Variants in CNGB3 observed in about 807,000 individuals in gnomAD.
CNGB3 encodes the protein cyclic nucleotide-gated channel beta-3.
Under a neutral mutation model 92.8 loss-of-function variants are expected in CNGB3, and 86 were observed. The ratio of observed to expected loss-of-function variants is 0.93; its 90% CI spans 0.78 to 1.11. The LOEUF (loss-of-function observed/expected upper bound fraction) is 1.11. CNGB3 is among the 50% of genes least tolerant of loss of function. CNGB3 has a pLI of 0.00. For missense variants in CNGB3, 1,026 were observed against 956.8 expected (o/e 1.07, Z -0.95); for synonymous variants, 333 against 332.7 (o/e 1.00, Z -0.01).
intron 15 of CNGB3, among the ~76,000 whole-genome samples, chr8:86,584,470 G>A (rs1257392177): frequency 1.3e-5 from 2 of 152,170 alleles, no homozygotes; most frequent in South Asian, 4.1e-4. Context: ...TTGCCTACAG[G>A]TTACACGTTT....
chr8:86,578,003 G>A (rs139770620), intron 17 of CNGB3, among the ~76,000 whole-genome samples: 2,032 of 152,070 alleles, frequency 0.013, 16 homozygotes, highest in Middle Eastern at 0.02. Flanking sequence ...TTTGCCTCCC[G>A]GATTCAAGCA....
chr8:86,709,054 A>G (rs1460925140), intron 3 of CNGB3, among the ~76,000 whole-genome samples: 1 of 152,180 alleles, frequency 6.6e-6, no homozygotes, highest in African/African-American at 2.4e-5. Context: ...AAATGCTGCA[A>G]CATGTTTACA....
chr8:86,742,013 TA>T (rs1172708672), intron 1 of CNGB3, among the ~76,000 whole-genome samples: 2 of 152,214 alleles, frequency 1.3e-5, no homozygotes, highest in African/African-American at 4.8e-5. Flanking sequence ...TGCCATTTGC[TA>T]GCTATGTGTA....
chr8:86,699,715 G>A (rs1824516651), intron 3 of CNGB3, among the ~76,000 whole-genome samples: 1 of 152,126 alleles, frequency 6.6e-6, no homozygotes, highest in African/African-American at 2.4e-5. Context: ...TAATTGCCCA[G>A]AATTTCAATC....
rs775564107 is a variant in CNGB3, at chr8:86,604,164, T to G, written c.1710A>C (p.Gln570His). The G allele has an allele frequency of 1.2e-6, 2 of 1,613,700 alleles. No individual in the cohort carries two copies. Among genetic ancestry groups the G allele is most frequent in the East Asian group, 2.2e-5 (1 of 44,854 alleles). The change falls in exon 15 of 18, where the codon CAA (glutamine) becomes CAC (histidine). Residue 570 changes from glutamine to histidine, a missense_variant. Gln to His is a conservative substitution (Grantham distance 24, BLOSUM62 0). Coordinates refer to ENST00000320005, the MANE Select transcript of CNGB3 (RefSeq NM_019098.5). ...TAGTACCATCAGGGCCTCCAAGAAC[T>G]TGGACTTCTCCATGCTTGATGATAT... is the stretch of plus-strand genomic sequence containing the variant. ...EMYIIKHGEV[Q>H]VLGGPDGTKV...
chr8:86,660,645 G>A (rs550563093), intron 6 of CNGB3: 81 of 533,450 alleles, frequency 1.5e-4, no homozygotes, highest in African/African-American at 1.4e-3. Context: ...GCATTTATTT[G>A]CATAATGACC....
At chr8:86,743,378 A>G (rs1284325547) in intron 1 of CNGB3, 121 bp downstream of exon 1, 7 of 1,047,430 alleles carry the variant, frequency 6.7e-6, no homozygotes, top group Admixed American at 3.4e-5. Context: ...GACACAGTAC[A>G]TGTACCAGAT....
chr8:86,695,199 C>G (rs369124784), intron 3 of CNGB3, among the ~76,000 whole-genome samples: 2 of 152,050 alleles, frequency 1.3e-5, no homozygotes, highest in Non-Finnish European at 2.9e-5. Flanking sequence ...GGCAGGCACT[C>G]GGCAGGAGAA....
intron 15 of CNGB3, 123 bp from the exon 16 acceptor site, chr8:86,579,375 G>T: frequency 8.8e-7 from 1 of 1,131,882 alleles, no homozygotes; most frequent in Non-Finnish European, 1.3e-6. Flanking sequence ...CTAGAGGTGA[G>T]GGTCCAGGTG....
intron 6 of CNGB3, chr8:86,657,982 A>T (rs1823547810): frequency 3.6e-6 from 2 of 548,362 alleles, no homozygotes; most frequent in South Asian, 2.9e-5. Flanking sequence ...AGACAGCTGG[A>T]TGCAGCGACG....
chr8:86,658,272 A>T, intron 6 of CNGB3: 1 of 522,528 alleles, frequency 1.9e-6, no homozygotes, highest in Admixed American at 2.8e-5. Context: ...AGCTGAGTTT[A>T]AAAATGCCAC....
At chr8:86,720,968 A>AATAATT (rs1824961362) in intron 3 of CNGB3, among the ~76,000 whole-genome samples, 2 of 150,964 alleles carry the variant, frequency 1.3e-5, no homozygotes, top group African/African-American at 4.9e-5. Context: ...TAATAATAAT[A>AATAATT]ATTATTATTA....
At chr8:86,672,385 C>T (rs1443884127) in intron 3 of CNGB3, among the ~76,000 whole-genome samples, 1 of 152,186 alleles carries the variant, frequency 6.6e-6, no homozygotes, top group Non-Finnish European at 1.5e-5. Flanking sequence ...AGGCTTGAGC[C>T]TCCGTCCCCA....
At chr8:86,693,363 A>G (rs192516738) in intron 3 of CNGB3, among the ~76,000 whole-genome samples, 16 of 151,788 alleles carry the variant, frequency 1.1e-4, no homozygotes, top group Non-Finnish European at 1.5e-4. Flanking sequence ...AGGAACAACA[A>G]TTATGTTTTG....
intron 7 of CNGB3, among the ~76,000 whole-genome samples, chr8:86,651,729 T>C (rs1275727560): frequency 1.3e-5 from 2 of 151,892 alleles, no homozygotes; most frequent in African/African-American, 4.8e-5. Context: ...CTCATTGAAC[T>C]GTAGAAAATT....
intron 10 of CNGB3, among the ~76,000 whole-genome samples, chr8:86,636,173 C>A (rs1049956322): frequency 1.7e-4 from 26 of 151,960 alleles, no homozygotes; most frequent in African/African-American, 6.0e-4. Flanking sequence ...AAAATAATTT[C>A]TAGACAGCCA....
chr8:86,632,651 G>C, intron 11 of CNGB3, 101 bp downstream of exon 11: 1 of 1,252,846 alleles, frequency 8.0e-7, no homozygotes, highest in Non-Finnish European at 1.1e-6. Flanking sequence ...AAAAAAAGAA[G>C]AACCAGACAG....
At chr8:86,667,965 G>A in intron 5 of CNGB3, 54 bp downstream of exon 5, 1 of 1,593,088 alleles carries the variant, frequency 6.3e-7, no homozygotes, top group Non-Finnish European at 8.6e-7. Context: ...GAGTCACAGG[G>A]TTTCTTGGTG....
intron 3 of CNGB3, among the ~76,000 whole-genome samples, chr8:86,693,624 A>G (rs10088128): frequency 0.2 from 29,345 of 148,794 alleles, 3,042 homozygotes; most frequent in Middle Eastern, 0.35. Context: ...CTGGGTACTT[A>G]AGATTAGGGA....
Sources: gnomAD v4.1 joint callset for allele counts (sites outside exome capture counted in the v4.1 genomes callset) on GRCh38, gnomAD v4.1.1 for gene constraint, MANE v1.5 for transcripts, NCBI Gene and HGNC (gene_info 2026-07-23, HGNC 2026-07-21) for gene names.